NETO2: variants seen among roughly 807,000 people sequenced by gnomAD.
NETO2 encodes the protein neuropilin and tolloid like 2, also known as neuropilin and tolloid-like protein 2.
In NETO2, 28 loss-of-function variants were observed where a neutral mutation model predicts 62.5. The observed-to-expected ratio is 0.45, with a 90% CI of 0.33 to 0.61. The LOEUF (loss-of-function observed/expected upper bound fraction) is 0.61. Among genes scored for constraint, NETO2 ranks in the 20% least tolerant of loss-of-function variants. The pLI is 0.02. For synonymous variants in NETO2, 214 were observed against 219.1 expected (o/e 0.98, Z 0.21); for missense variants, 548 against 643.2 (o/e 0.85, Z 1.60).
intron 3 of NETO2, among the ~76,000 whole-genome samples, chr16:47,128,940 A>G (rs1964210873): frequency 6.6e-6 from 1 of 152,238 alleles, no homozygotes; most frequent in Non-Finnish European, 1.5e-5. Context: ...ATTAAGCCTT[A>G]TAAGGGATGC....
chr16:47,112,578 T>A (rs1349975098), intron 6 of NETO2, among the ~76,000 whole-genome samples: 3 of 152,190 alleles, frequency 2.0e-5, no homozygotes, highest in African/African-American at 7.2e-5. Flanking sequence ...CAGGCTGGTC[T>A]CGAACTCTTG....
At chr16:47,111,935 A>G (rs143849083) in intron 6 of NETO2, among the ~76,000 whole-genome samples, 1 of 152,310 alleles carries the variant, frequency 6.6e-6, no homozygotes, top group African/African-American at 2.4e-5. Context: ...AAGGGATGCT[A>G]TTTATTGGAG....
At chr16:47,102,457 G>A (rs878947086) in intron 7 of NETO2, among the ~76,000 whole-genome samples, 2 of 152,102 alleles carry the variant, frequency 1.3e-5, no homozygotes, top group African/African-American at 2.4e-5. Context: ...CTAAACTAAA[G>A]AGCTTCTGCA....
chr16:47,123,010 A>C, intron 4 of NETO2, 98 bp from the exon 5 acceptor site: 1 of 1,175,940 alleles, frequency 8.5e-7, no homozygotes, highest in Non-Finnish European at 1.2e-6. Context: ...ATAGCAAGGT[A>C]AGAGAAGCTT....
At chr16:47,096,880 C>T (rs547327565) in intron 7 of NETO2, among the ~76,000 whole-genome samples, 10 of 152,280 alleles carry the variant, frequency 6.6e-5, no homozygotes, top group African/African-American at 2.2e-4. Flanking sequence ...GTACAGCCCA[C>T]GGAGGACGAG....
intron 7 of NETO2, among the ~76,000 whole-genome samples, chr16:47,100,060 G>A: frequency 6.6e-6 from 1 of 152,120 alleles, no homozygotes; most frequent in South Asian, 2.1e-4. Flanking sequence ...ATAATTGGAG[G>A]TAAAACACTC....
In NETO2 at chr16:47,083,746, A is replaced by C. The variant is rs750674844; in HGVS notation, c.1053T>G (p.Ile351Met). The change falls in exon 9 of 9, where the codon ATT becomes ATG. Residue 351 changes from isoleucine to methionine, a missense_variant. Physicochemically the swap from Ile to Met is conservative, Grantham distance 10. Transcript: ENST00000562435. ...EQITKTHGTIIGITSGIVLVL... is the reference protein window; with the variant it reads ...EQITKTHGTIMGITSGIVLVL... ...CCAAGACAATCCCTGAAGTAATGCC[A>C]ATAATTGTTCCATGAGTCTTAGTGA... 5.6e-6 allele frequency: 9 copies of C among 1,612,852 alleles called. No homozygotes were observed. In the East Asian group the frequency reaches 2.0e-4, roughly 36 times the overall value.
intron 7 of NETO2, among the ~76,000 whole-genome samples, chr16:47,102,597 A>G (rs1963577703): frequency 6.7e-6 from 1 of 149,244 alleles, no homozygotes; most frequent in African/African-American, 2.5e-5. Flanking sequence ...TACAAGAAAA[A>G]AAAAAAAAAA....
intron 6 of NETO2, among the ~76,000 whole-genome samples, chr16:47,115,851 G>A (rs1053561573): frequency 9.3e-5 from 14 of 150,826 alleles, no homozygotes; most frequent in Non-Finnish European, 1.5e-4. Flanking sequence ...GATTACAGGC[G>A]GGAGCCACAG....
intron 1 of NETO2, among the ~76,000 whole-genome samples, chr16:47,139,645 G>A (rs1021438798): frequency 1.3e-5 from 2 of 152,122 alleles, no homozygotes; most frequent in Non-Finnish European, 2.9e-5. Flanking sequence ...AACAAAAAAA[G>A]TACCCAAATT....
intron 6 of NETO2, 21 bp downstream of exon 6, chr16:47,122,636 C>T (rs376818415): frequency 1.2e-5 from 19 of 1,603,910 alleles, no homozygotes; most frequent in Admixed American, 3.5e-5. Context: ...TTCTCTGAAG[C>T]GACTCAATAC....
At chr16:47,125,331 A>C (rs1964133730) in intron 4 of NETO2, among the ~76,000 whole-genome samples, 1 of 151,700 alleles carries the variant, frequency 6.6e-6, no homozygotes, top group Admixed American at 6.6e-5. Context: ...CTGTGAAAAA[A>C]CAGCTTACTA....
chr16:47,123,286 G>C (rs1459606570), intron 4 of NETO2, among the ~76,000 whole-genome samples: 1 of 152,102 alleles, frequency 6.6e-6, no homozygotes, highest in Admixed American at 6.5e-5. Context: ...TTAAATGGAT[G>C]GTGGTAATAG....
rs118026506 is a variant in NETO2 at position 47,114,967 on chromosome 16, T to C, written c.655-5256A>G. On this transcript the variant is annotated intron_variant, in intron 6 of 8. Coordinates refer to ENST00000562435, the MANE Select transcript of NETO2 (RefSeq NM_018092.5). ...GGTTCATTTTTTTTTTCTTTGAATA[T>C]GGAGGTTCAATTGTTCCAGCACCAT... Among the ~76,000 whole-genome samples the C allele has an allele frequency of 6.5e-3, 993 of 152,206 alleles. 4 individuals are homozygous for C. Among genetic ancestry groups the C allele is most frequent in the Non-Finnish European group, 0.011 (779 of 67,990 alleles).
chr16:47,107,705 G>A (rs1963704084), intron 7 of NETO2, among the ~76,000 whole-genome samples: 1 of 152,168 alleles, frequency 6.6e-6, no homozygotes. Context: ...GAGGACAGAG[G>A]AGGCAAACTG....
At chr16:47,129,103 C>CA (rs1415539498) in intron 3 of NETO2, 121 bp downstream of exon 3, 1 of 886,380 alleles carries the variant, frequency 1.1e-6, no homozygotes, top group African/African-American at 1.7e-5. Context: ...ATCATTACTA[C>CA]AGTTTAATTC....
intron 7 of NETO2, among the ~76,000 whole-genome samples, chr16:47,094,251 T>C (rs1309346423): frequency 1.4e-5 from 2 of 140,764 alleles, no homozygotes; most frequent in Non-Finnish European, 1.5e-5. Flanking sequence ...GAAGTACTGA[T>C]ATATCACTTG....
intron 4 of NETO2, among the ~76,000 whole-genome samples, chr16:47,125,340 T>C (rs1035591731): frequency 2.6e-5 from 4 of 151,974 alleles, no homozygotes; most frequent in Non-Finnish European, 4.4e-5. Flanking sequence ...AACAGCTTAC[T>C]AGCTACTAGT....
chr16:47,132,063 A>T, intron 1 of NETO2, 38 bp from the exon 2 acceptor site: 2 of 1,455,198 alleles, frequency 1.4e-6, no homozygotes, highest in Non-Finnish European at 9.6e-7. Context: ...ATGAAATTGA[A>T]TCTATACTAC....
Sources: allele counts gnomAD v4.1 joint callset (sites outside exome capture counted in the v4.1 genomes callset), GRCh38; gene constraint gnomAD v4.1.1; transcripts MANE v1.5; gene names NCBI Gene and HGNC (gene_info 2026-07-23, HGNC 2026-07-21).